The following GC variants were observed in gnomAD, a reference collection of about 807,000 sequenced individuals.
GC encodes the protein GC vitamin D binding protein.
Under a neutral mutation model 56.7 loss-of-function variants are expected in GC, and 43 were observed. The observed-to-expected ratio is 0.76, with a 90% CI of 0.59 to 0.98. The LOEUF is 0.98. Ranked by LOEUF, GC falls within the 50% of genes least tolerant of loss-of-function variation. GC has a pLI of 0.00. For synonymous variants in GC, 216 were observed against 202.7 expected, an observed-to-expected ratio of 1.07 and a Z score of -0.56; for missense variants, 529 against 545.9, an observed-to-expected ratio of 0.97 and a Z score of 0.31.
At chr4:71,787,331 G>T (rs1742864800), upstream of GC, among the ~76,000 whole-genome samples, 2 of 151,900 alleles carry the variant, frequency 1.3e-5, no homozygotes, top group African/African-American at 4.8e-5. Context: ...TGAACTACTT[G>T]TGGTTCACTG....
At chr4:71,781,042 A>G (rs548192482) in intron 1 of GC, among the ~76,000 whole-genome samples, 2 of 152,264 alleles carry the variant, frequency 1.3e-5, no homozygotes, top group Admixed American at 1.3e-4. Flanking sequence ...AGACCATGGA[A>G]TACTATGCAG....
intron 1 of GC, among the ~76,000 whole-genome samples, chr4:71,783,215 C>A (rs548422198): frequency 3.4e-4 from 51 of 151,688 alleles, no homozygotes; most frequent in African/African-American, 1.2e-3. Flanking sequence ...TGCAGATGTC[C>A]CTTGTGAACA....
At chr4:71,795,079 T>G (rs1743064380) in intron 1 of GC, among the ~76,000 whole-genome samples, 1 of 152,206 alleles carries the variant, frequency 6.6e-6, no homozygotes, top group Non-Finnish European at 1.5e-5. Flanking sequence ...TACTTCCAAT[T>G]ACATGGTCAA....
At chr4:71,758,208 A>G in intron 6 of GC, 37 bp from the exon 7 acceptor site, 3 of 1,587,328 alleles carry the variant, frequency 1.9e-6, no homozygotes, top group Admixed American at 3.4e-5. Context: ...GCTTATCAAC[A>G]TTCTCAGTTT....
At chr4:71,767,198 A>G (rs1404946347) in intron 3 of GC, among the ~76,000 whole-genome samples, 1 of 152,160 alleles carries the variant, frequency 6.6e-6, no homozygotes, top group African/African-American at 2.4e-5. Flanking sequence ...AATCTATTCT[A>G]ATCAGATCTT....
At position 71,763,402 on chromosome 4, in the gene GC, C is replaced by A; in HGVS notation, c.701+6G>T. On this transcript the variant is annotated splice_donor_region_variant and intron_variant, in intron 6 of 12. Coordinates refer to ENST00000273951, the MANE Select transcript of GC (RefSeq NM_000583.4). ...TCTAAATATGACAATAGCACTTAAT[C>A]TTTACCTGAGCCTTGATTTCTTCTC... is the stretch of plus-strand genomic sequence containing the variant. 3.3e-6 allele frequency: 5 copies of A among 1,499,446 alleles called. No individual in the cohort carries two copies. The highest frequency in any genetic ancestry group is 4.6e-6 in the Non-Finnish European group (5 of 1,077,138). 92.9% of individuals were successfully genotyped at this position (1,499,446 alleles called of 1,614,324 possible).
At position 71,784,066 on chromosome 4, in the gene GC, C is replaced by T. The variant is rs779811790; in HGVS notation, c.-48G>A. On this transcript the variant is annotated 5_prime_UTR_variant, in exon 1 of 13. It removes an upstream start codon present in the reference 5' UTR. Coordinates refer to ENST00000273951, the MANE Select transcript of GC (RefSeq NM_000583.4). ...GCACCTCCTCTCTCCTGTAGGTGAC[C>T]ATGTAAAAGTGGTAGCCAAAAGTAA... 5.1e-6 allele frequency: 8 copies of T among 1,565,388 alleles called. No homozygotes were observed. The highest frequency in any genetic ancestry group is 3.4e-4 in the Middle Eastern group (2 of 5,850).
At chr4:71,748,976 T>C (rs1197842483) in intron 11 of GC, among the ~76,000 whole-genome samples, 1 of 152,120 alleles carries the variant, frequency 6.6e-6, no homozygotes, top group Admixed American at 6.5e-5. Flanking sequence ...CCAAATATTA[T>C]AGGACAAATG....
intron 11 of GC, among the ~76,000 whole-genome samples, chr4:71,747,629 A>AC (rs1487581778): frequency 6.6e-6 from 1 of 152,160 alleles, no homozygotes; most frequent in Non-Finnish European, 1.5e-5. Context: ...GTCATATGGT[A>AC]CCATCAAAAG....
At chr4:71,752,166 A>G (rs553475327) in intron 11 of GC, among the ~76,000 whole-genome samples, 9 of 152,248 alleles carry the variant, frequency 5.9e-5, no homozygotes, top group African/African-American at 1.9e-4. Flanking sequence ...TGATGTTCTC[A>G]CTGTATTCTT....
At chr4:71,777,466 T>G (rs1207183450) in intron 1 of GC, among the ~76,000 whole-genome samples, 1 of 151,450 alleles carries the variant, frequency 6.6e-6, no homozygotes, top group African/African-American at 2.4e-5. Flanking sequence ...GGATATATAC[T>G]AGATATTACA....
chr4:71,792,081 A>T (rs1482585003), intron 1 of GC, among the ~76,000 whole-genome samples: 1 of 151,996 alleles, frequency 6.6e-6, no homozygotes, highest in Non-Finnish European at 1.5e-5. Flanking sequence ...GACATTTGGG[A>T]TGGTTCCAAG....
chr4:71,784,039 C>T lies in GC; in HGVS notation c.-21G>A. 6.2e-7 allele frequency: 1 copy of T among 1,600,832 alleles called. No individual in the cohort carries two copies. The highest frequency in any genetic ancestry group is 1.1e-5 in the South Asian group (1 of 89,204). On this transcript the variant is annotated 5_prime_UTR_variant, in exon 1 of 13. Transcript: ENST00000273951. Reference sequence around the variant, plus strand: ...TTCATTTTTCTACCAGAGAGTCTTGCAGCACCTCCTCTCTCCTGTAGGTGA... The same window carrying T: ...TTCATTTTTCTACCAGAGAGTCTTGTAGCACCTCCTCTCTCCTGTAGGTGA...
chr4:71,760,692 G>T (rs1741939733), intron 6 of GC, among the ~76,000 whole-genome samples: 1 of 152,188 alleles, frequency 6.6e-6, no homozygotes, highest in African/African-American at 2.4e-5. Context: ...GGAGAAACCT[G>T]GTGGGAGGTG....
rs751015556 is a variant in GC at position 71,765,490 on chromosome 4, G to A, written c.415C>T (p.Pro139Ser). 2 of 1,613,966 alleles carry A rather than the reference G, an allele frequency of 1.2e-6. No individual in the cohort carries two copies. Among genetic ancestry groups the A allele is most frequent in the Non-Finnish European group, 1.7e-6 (2 of 1,179,954 alleles). ...GCCTCACAGATTTCATCATTTGTGG[G>A]TTCCACGTAGGTAGGGAATTCCTGT... is the stretch of plus-strand genomic sequence containing the variant. ...QPQEFPTYVE[P>S]TNDEICEAFR... The change falls in exon 4 of 13, where the codon CCC becomes TCC. Residue 139 changes from proline (P) to serine (S), a missense_variant. Transcript: ENST00000273951.
upstream of GC, among the ~76,000 whole-genome samples, chr4:71,804,227 C>T (rs6843222): frequency 7.5e-3 from 1,144 of 152,258 alleles, 6 homozygotes; most frequent in Non-Finnish European, 0.012. Flanking sequence ...AAGAATGAGC[C>T]GTCCTGAACA....
At position 71,754,597 on chromosome 4, in the gene GC, T is replaced by TCAGTATGAGTATTATCTA. The variant is rs377573160; in HGVS notation, c.1165-90_1165-89insTAGATAATACTCATACTG. 8.6e-4 allele frequency: 641 copies of TCAGTATGAGTATTATCTA among 743,828 alleles called. 5 individuals carry two copies. The African/African-American group carries it at 0.01, about 12-fold the overall frequency. The allele number at this position is 743,828 out of a possible 1,614,324, so 46.1% of individuals were successfully genotyped here. On this transcript the variant is annotated intron_variant, in intron 9 of 12. Transcript: ENST00000273951. Reference sequence around the variant, plus strand: ...TTAAATCAAAATTCCAAATATTGTATCATTAAGCATTGGCAACTATTTTCT... The same window carrying TCAGTATGAGTATTATCTA: ...TTAAATCAAAATTCCAAATATTGTATCAGTATGAGTATTATCTACATTAAGCATTGGCAACTATTTTCT...
chr4:71,741,995 T>C (rs1741199982), intron 12 of GC, 125 bp from the exon 13 acceptor site: 1 of 673,074 alleles, frequency 1.5e-6, no homozygotes, highest in African/African-American at 1.8e-5. Flanking sequence ...AATGACTCTG[T>C]CTAGGATGAC....
At chr4:71,802,503 C>T (rs1426454749) in intron 1 of GC, among the ~76,000 whole-genome samples, 3 of 152,156 alleles carry the variant, frequency 2.0e-5, no homozygotes, top group African/African-American at 7.2e-5. Flanking sequence ...AATACAGATG[C>T]TGCTAGACTT....
Sources: gnomAD v4.1 joint callset for allele counts (sites outside exome capture counted in the v4.1 genomes callset) on GRCh38, gnomAD v4.1.1 for gene constraint, MANE v1.5 for transcripts, NCBI Gene and HGNC (gene_info 2026-07-23, HGNC 2026-07-21) for gene names.